Variants in KAT8 observed in about 807,000 individuals in gnomAD.
The protein encoded by KAT8 is lysine acetyltransferase 8.
KAT8 carries 40 observed loss-of-function variants against 62.9 expected under a neutral mutation model. The ratio of observed to expected loss-of-function variants is 0.64; its 90% CI spans 0.49 to 0.83. The LOEUF (loss-of-function observed/expected upper bound fraction) is 0.83. Ranked by LOEUF, KAT8 falls within the 40% of genes least tolerant of loss-of-function variation. KAT8 has a pLI of 0.00. For missense variants in KAT8, 387 were observed against 614.8 expected (o/e 0.63, Z 3.92); for synonymous variants, 278 against 254.5 (o/e 1.09, Z -0.88).
At chr16:31,121,499 A>G (rs1407762484) in intron 3 of KAT8, among the ~76,000 whole-genome samples, 7 of 152,096 alleles carry the variant, frequency 4.6e-5, no homozygotes, top group African/African-American at 1.4e-4. Context: ...AGAGCTACAG[A>G]TAAGTTTAGG....
chr16:31,129,958 C>T, intron 6 of KAT8, 59 bp from the exon 7 acceptor site: 1 of 1,589,412 alleles, frequency 6.3e-7, no homozygotes, highest in Non-Finnish European at 8.5e-7. Flanking sequence ...GCCGCTGGAA[C>T]CAGCTGGGTG....
intron 1 of KAT8, chr16:31,118,833 G>A (rs939540245): frequency 2.6e-5 from 4 of 151,116 alleles, no homozygotes; most frequent in African/African-American, 7.3e-5. Context: ...TAAAAATTTT[G>A]GAGGCATTAA....
In KAT8 at chr16:31,127,383, G is replaced by T. The variant is rs752966744; in HGVS notation, c.681+30G>T. The T allele has an allele frequency of 3.7e-6, 6 of 1,611,740 alleles. No individual in the cohort carries two copies. The East Asian group carries it at 1.3e-4, about 36-fold the overall frequency. ...GGCTGGGCCGGCCGGGCCGAGCTGG[G>T]CAGGGGCCCGGTGAGAGGCAGAGGC... is the stretch of plus-strand genomic sequence containing the variant. On this transcript the variant is annotated intron_variant, in intron 5 of 10. Transcript: ENST00000219797.
rs543229763 is a variant in KAT8 at position 31,127,128 on chromosome 16, C to A, written c.516+40C>A. 156 of 1,613,990 alleles carry A rather than the reference C, an allele frequency of 9.7e-5. 1 individual carries two copies. The South Asian group carries it at 1.6e-3, about 17-fold the overall frequency. ...GAAGCTGCCTGCAGGTCCCCCGTCT[C>A]CCCTTGCCGAGGAGCCCCTGCTGAG... On this transcript the variant is annotated intron_variant, in intron 4 of 10. Transcript: ENST00000219797.
At chr16:31,126,962 G>A (rs1353136625) in intron 3 of KAT8, 73 bp from the exon 4 acceptor site, 1 of 1,530,310 alleles carries the variant, frequency 6.5e-7, no homozygotes, top group East Asian at 2.3e-5. Context: ...GGGAAGCCTT[G>A]TGGGTCCTGA....
Position 31,117,888 on chromosome 16 carries a change from C to G in KAT8, c.207C>G (p.Thr69=). 2 of 1,294,742 alleles carry G rather than the reference C, an allele frequency of 1.5e-6. No homozygotes were observed. Among genetic ancestry groups the G allele is most frequent in the East Asian group, 3.6e-5 (1 of 27,412 alleles). The allele number at this position is 1,294,742 out of a possible 1,614,324, so 80.2% of individuals were successfully genotyped here. A position where few individuals can be genotyped will look rare whatever the true frequency, so the allele number is the denominator to read the frequency against. The change falls in exon 1 of 11, where the codon ACC becomes ACG. Residue 69 remains threonine, a synonymous_variant. Coordinates refer to ENST00000219797, the MANE Select transcript of KAT8 (RefSeq NM_032188.3). ...ETYLCRRPDS[T]WHSAEVIQSR... Reference sequence around the variant, plus strand: ...ACCTGTGCCGGCGACCGGATAGCACCTGGCGTGAGGGCGGGGCCCAGGGCT... The same window carrying G: ...ACCTGTGCCGGCGACCGGATAGCACGTGGCGTGAGGGCGGGGCCCAGGGCT...
chr16:31,125,340 A>C (rs1596822011), intron 3 of KAT8, among the ~76,000 whole-genome samples: 1 of 152,160 alleles, frequency 6.6e-6, no homozygotes, highest in Non-Finnish European at 1.5e-5. Context: ...GCAGTGGCTC[A>C]CGCCTGTAAT....
At chr16:31,126,948 G>A (rs970682172) in intron 3 of KAT8, 87 bp from the exon 4 acceptor site, 14 of 1,400,788 alleles carry the variant, frequency 1.0e-5, no homozygotes, top group South Asian at 5.8e-5. Context: ...TCTGGTAGAC[G>A]GCAGGGAAGC....
At position 31,120,406 on chromosome 16, in the gene KAT8, T is replaced by C. The variant is rs1356417902; in HGVS notation, c.354T>C (p.Ala118=). ...CGCTGACCAAGACAGTGAAGGATGC[T>C]GTACAGAAGAACTCAGAGAAGTACC... The part of the protein sequence containing the change: ...RLALTKTVKD[A]VQKNSEKYLS... The change falls in exon 3 of 11, where the codon GCT becomes GCC. Residue 118 remains alanine, a synonymous_variant. Transcript: ENST00000219797. The C allele has an allele frequency of 6.2e-7, 1 of 1,614,058 alleles. No individual in the cohort carries two copies. Among genetic ancestry groups the C allele is most frequent in the Non-Finnish European group, 8.5e-7 (1 of 1,180,006 alleles).
intron 10 of KAT8, 130 bp downstream of exon 10, chr16:31,131,030 G>C: frequency 6.6e-7 from 1 of 1,505,634 alleles, no homozygotes; most frequent in Non-Finnish European, 8.9e-7. Flanking sequence ...GATGGAGCCC[G>C]GGGCAGGCCT....
At chr16:31,121,474 A>G (rs1289903262) in intron 3 of KAT8, among the ~76,000 whole-genome samples, 1 of 152,046 alleles carries the variant, frequency 6.6e-6, no homozygotes, top group Non-Finnish European at 1.5e-5. Flanking sequence ...TAGGCCTGTG[A>G]AGTAAGCATG....
chr16:31,129,398 C>T (rs1225304203), intron 6 of KAT8, among the ~76,000 whole-genome samples: 6 of 152,200 alleles, frequency 3.9e-5, no homozygotes, highest in African/African-American at 4.8e-5. Context: ...CAAGCACTTC[C>T]ACTCTGGGAG....
chr16:31,118,038 C>T (rs935416003), intron 1 of KAT8, 146 bp downstream of exon 1: 5 of 617,602 alleles, frequency 8.1e-6, no homozygotes, highest in Admixed American at 4.3e-5. Context: ...AAGAACGCCG[C>T]GTTCCGGGCG....
At position 31,120,181 on chromosome 16, in the gene KAT8, C is replaced by T; in HGVS notation, c.212-5C>T. ...CCTGATGACCCTAGCCTTTTTCCAT[C>T]ACAGATTCTGCTGAAGTGATCCAGT... On this transcript the variant is annotated splice_region_variant and splice_polypyrimidine_tract_variant and intron_variant, in intron 1 of 10. Coordinates refer to ENST00000219797, the MANE Select transcript of KAT8 (RefSeq NM_032188.3). 6.2e-7 allele frequency: 1 copy of T among 1,613,602 alleles called. No homozygotes were observed. Among genetic ancestry groups the T allele is most frequent in the East Asian group, 2.2e-5 (1 of 44,884 alleles).
In KAT8 at chr16:31,130,090, C is replaced by T. The variant is rs752278922; in HGVS notation, c.845C>T (p.Pro282Leu). The T allele has an allele frequency of 6.2e-7, 1 of 1,608,984 alleles. No homozygotes were observed. The highest frequency in any genetic ancestry group is 8.5e-7 in the Non-Finnish European group (1 of 1,177,622). ...DHKTLYFDVE[P>L]FVFYILTEVD... The stretch of plus-strand genomic sequence containing the variant: ...AAGACACTGTACTTTGACGTGGAGC[C>T]GTTCGTCTTTTACATCCTGACTGAG... The change falls in exon 7 of 11, where the codon CCG becomes CTG. Residue 282 changes from proline to leucine, a missense_variant. Physicochemically the swap from Pro to Leu is moderately conservative, Grantham distance 98. This residue lies in a region of KAT8 where 141 missense variants were observed against 222.5 expected (regional missense o/e 0.63). Transcript: ENST00000219797.
intron 3 of KAT8, chr16:31,125,855 G>C (rs1339912780): frequency 6.6e-6 from 1 of 152,244 alleles, no homozygotes; most frequent in Non-Finnish European, 1.5e-5. Context: ...CTAGGAGCAG[G>C]ATGTGTTGTG....
At position 31,130,305 on chromosome 16, in the gene KAT8, C is replaced by T. The variant is rs2057566778; in HGVS notation, c.951C>T (p.Ile317=). Residue 317 remains isoleucine, a synonymous_variant, in exon 8 of 11, where the codon ATC becomes ATT. Transcript: ENST00000219797. The part of the protein sequence containing the change: ...ESPDGNNVAC[I]LTLPPYQRRG... ...CGGATGGAAACAATGTGGCCTGCAT[C>T]CTGACCTTGCCCCCCTACCAACGCC... 1.2e-6 allele frequency: 2 copies of T among 1,614,190 alleles called. No homozygotes were observed.
chr16:31,119,191 C>T (rs1209034958), intron 1 of KAT8, among the ~76,000 whole-genome samples: 1 of 152,136 alleles, frequency 6.6e-6, no homozygotes, highest in Non-Finnish European at 1.5e-5. Flanking sequence ...CTCTCTGTTG[C>T]CAGGCTGGAG....
Position 31,131,316 on chromosome 16 carries a change from T to C in KAT8, c.*57T>C, listed in dbSNP as rs1288545203. 8.8e-6 allele frequency: 14 copies of C among 1,592,314 alleles called. No individual in the cohort carries two copies. The highest frequency in any genetic ancestry group is 1.0e-5 in the Non-Finnish European group (12 of 1,163,748). ...TCCTGGCTCCCAGCCTGTAAATATGTATAGACCTGTTTTGTCATTTTTTTA... is the reference window on the plus strand; with the variant it reads ...TCCTGGCTCCCAGCCTGTAAATATGCATAGACCTGTTTTGTCATTTTTTTA... On this transcript the variant is annotated 3_prime_UTR_variant, in exon 11 of 11. Coordinates refer to ENST00000219797, the MANE Select transcript of KAT8 (RefSeq NM_032188.3).
Sources: allele counts gnomAD v4.1 joint callset (sites outside exome capture counted in the v4.1 genomes callset), GRCh38; gene constraint gnomAD v4.1.1; regional missense constraint gnomAD v4.1.1; transcripts MANE v1.5; gene names NCBI Gene and HGNC (gene_info 2026-07-23, HGNC 2026-07-21).